DPYS: variants seen among roughly 807,000 people sequenced by gnomAD.
The protein encoded by DPYS is dihydropyrimidine amidohydrolase.
In DPYS, 39 loss-of-function variants were observed where a neutral mutation model predicts 50.3. The observed-to-expected ratio is 0.78, with a 90% CI of 0.60 to 1.01. The LOEUF is 1.01. Ranked by LOEUF, DPYS falls within the 50% of genes least tolerant of loss-of-function variation. DPYS has a pLI of 0.00. For synonymous variants in DPYS, 245 were observed against 250.7 expected (o/e 0.98, Z 0.22); for missense variants, 659 against 680.9 (o/e 0.97, Z 0.36).
chr8:104,445,496 C>G (rs1813495042), intron 3 of DPYS, among the ~76,000 whole-genome samples: 1 of 152,090 alleles, frequency 6.6e-6, no homozygotes. Flanking sequence ...GGTCATTATG[C>G]TAAATGAAAT....
intron 7 of DPYS, among the ~76,000 whole-genome samples, chr8:104,416,901 A>G (rs191013382): frequency 1.7e-3 from 266 of 152,194 alleles, no homozygotes; most frequent in African/African-American, 6.1e-3. Flanking sequence ...CAAGGATGAC[A>G]GTCATTCTTC....
intron 4 of DPYS, among the ~76,000 whole-genome samples, chr8:104,433,237 C>T (rs931157451): frequency 6.6e-6 from 1 of 152,126 alleles, no homozygotes; most frequent in Non-Finnish European, 1.5e-5. Context: ...TTAAGCGGCC[C>T]AGTCTGTGGC....
intron 7 of DPYS, among the ~76,000 whole-genome samples, chr8:104,399,290 C>CAAAAAAAAAAAA (rs11323938): frequency 1.3e-5 from 1 of 74,924 alleles, no homozygotes; most frequent in Non-Finnish European, 2.3e-5. Flanking sequence ...GACTCCATCT[C>CAAAAAAAAAAAA]AAAAAAAAAA....
chr8:104,445,185 T>G (rs1248950327), intron 3 of DPYS, among the ~76,000 whole-genome samples: 5 of 152,212 alleles, frequency 3.3e-5, no homozygotes, highest in African/African-American at 1.2e-4. Context: ...TTAATAAAAC[T>G]GCTCTGGAGA....
Position 104,466,696 on chromosome 8 carries a change from C to A in DPYS, c.225G>T (p.Met75Ile), listed in dbSNP as rs1814415573. Residue 75 changes from methionine (M) to isoleucine (I), a missense_variant, in exon 1 of 10, where the codon ATG becomes ATT. Transcript: ENST00000351513. ...DTHTHMQFPF[M>I]GSRSIDDFHQ... ...GGAAGTCGTCGATGGACCGCGAGCC[C>A]ATGAAGGGGAACTGCATGTGCGTGT... 5 of 1,531,084 alleles carry A rather than the reference C, an allele frequency of 3.3e-6. No homozygotes were observed. The highest frequency in any genetic ancestry group is 4.4e-6 in the Non-Finnish European group (5 of 1,143,004). 94.8% of individuals were successfully genotyped at this position (1,531,084 alleles called of 1,614,324 possible).
intron 7 of DPYS, among the ~76,000 whole-genome samples, chr8:104,404,345 T>A (rs912638706): frequency 4.6e-5 from 7 of 152,218 alleles, no homozygotes; most frequent in African/African-American, 1.7e-4. Context: ...CAATGCTCAC[T>A]GTACTAGTAC....
chr8:104,390,499 C>CTT lies in DPYS; in HGVS notation c.1443+2283_1443+2284dup, dbSNP rs551429478. On this transcript the variant is annotated intron_variant, in intron 8 of 9. Transcript: ENST00000351513. ...TTCTTGAAGCTTCAGTTCTCTTTAA[C>CTT]TTTTTTTTTTTTTTTTAAGACAGAG... Among the ~76,000 whole-genome samples, 119 of 141,764 alleles carry CTT rather than the reference C, an allele frequency of 8.4e-4. 1 individual carries two copies. Among genetic ancestry groups the CTT allele is most frequent in the East Asian group, 5.2e-3 (25 of 4,842 alleles). The allele number at this position is 141,764 out of a possible 152,430, so 93.0% of individuals were successfully genotyped here.
intron 6 of DPYS, among the ~76,000 whole-genome samples, chr8:104,426,143 A>G (rs1812713898): frequency 6.6e-6 from 1 of 152,184 alleles, no homozygotes; most frequent in African/African-American, 2.4e-5. Flanking sequence ...TGAGGAAAAT[A>G]ATCAGCAGAA....
At chr8:104,438,895 C>T (rs1355057764) in intron 4 of DPYS, among the ~76,000 whole-genome samples, 1 of 151,982 alleles carries the variant, frequency 6.6e-6, no homozygotes, top group Non-Finnish European at 1.5e-5. Flanking sequence ...ATGGTGAAAT[C>T]CCGACTCTAC....
At chr8:104,466,519 G>A in intron 1 of DPYS, 138 bp downstream of exon 1, 1 of 1,016,500 alleles carries the variant, frequency 9.8e-7, no homozygotes, top group Middle Eastern at 3.3e-4. Context: ...CACCCGCCGG[G>A]GCTGCGCTCC....
chr8:104,455,065 A>G (rs1813877730), intron 1 of DPYS, among the ~76,000 whole-genome samples: 1 of 152,200 alleles, frequency 6.6e-6, no homozygotes, highest in Non-Finnish European at 1.5e-5. Context: ...GGGTGCAGCA[A>G]ACCACCATGG....
intron 6 of DPYS, among the ~76,000 whole-genome samples, chr8:104,424,838 T>G (rs1812667925): frequency 6.6e-6 from 1 of 151,828 alleles, no homozygotes; most frequent in Non-Finnish European, 1.5e-5. Flanking sequence ...TTTTTTTTTT[T>G]TTTTTGAGAT....
chr8:104,384,567 T>C (rs541160072), intron 8 of DPYS, among the ~76,000 whole-genome samples: 3 of 152,352 alleles, frequency 2.0e-5, no homozygotes, highest in African/African-American at 4.8e-5. Flanking sequence ...CTAATGATGA[T>C]GGCAAACCTC....
chr8:104,460,640 T>C (rs1231558104), intron 1 of DPYS, among the ~76,000 whole-genome samples: 2 of 152,186 alleles, frequency 1.3e-5, no homozygotes, highest in African/African-American at 4.8e-5. Context: ...GCATGAACTA[T>C]GGACTATCAA....
intron 3 of DPYS, among the ~76,000 whole-genome samples, chr8:104,446,432 C>T (rs1481243049): frequency 7.9e-5 from 12 of 152,148 alleles, no homozygotes; most frequent in South Asian, 2.1e-4. Flanking sequence ...ACTTTTATTA[C>T]GGAATAATCC....
chr8:104,442,372 AG>A (rs1284651459), intron 4 of DPYS, among the ~76,000 whole-genome samples: 1 of 152,202 alleles, frequency 6.6e-6, no homozygotes, highest in African/African-American at 2.4e-5. Flanking sequence ...TGGAGCTTGA[AG>A]GTGGGTTAGA....
intron 6 of DPYS, among the ~76,000 whole-genome samples, chr8:104,427,698 C>T (rs1354771224): frequency 6.6e-6 from 1 of 151,966 alleles, no homozygotes; most frequent in Non-Finnish European, 1.5e-5. Flanking sequence ...GAAGAATAAC[C>T]CTCTTTGTAT....
chr8:104,449,442 A>T (rs1450821157), intron 2 of DPYS, among the ~76,000 whole-genome samples: 31 of 152,210 alleles, frequency 2.0e-4, no homozygotes, highest in Admixed American at 2.0e-3. Flanking sequence ...TGGCAACTGA[A>T]CCAGCATCAG....
chr8:104,391,520 A>C (rs1396878087), intron 8 of DPYS, among the ~76,000 whole-genome samples: 1 of 152,208 alleles, frequency 6.6e-6, no homozygotes, highest in Non-Finnish European at 1.5e-5. Flanking sequence ...CCAGAAATTT[A>C]GATTTTTTAA....
Sources: gnomAD v4.1 joint callset for allele counts (sites outside exome capture counted in the v4.1 genomes callset) on GRCh38, gnomAD v4.1.1 for gene constraint, MANE v1.5 for transcripts, NCBI Gene and HGNC (gene_info 2026-07-23, HGNC 2026-07-21) for gene names.